Variants in EZH1 observed in about 807,000 individuals in gnomAD.
EZH1 encodes enhancer of zeste 1 polycomb repressive complex 2 subunit.
EZH1 carries 33 observed loss-of-function variants against 100.5 expected under a neutral mutation model. The ratio of observed to expected loss-of-function variants is 0.33; its 90% confidence interval spans 0.25 to 0.44. The LOEUF (loss-of-function observed/expected upper bound fraction) is 0.44, where lower values mean the gene tolerates loss of function less well. EZH1 is among the 20% of genes least tolerant of loss of function. EZH1 has a pLI of 1.00. For synonymous variants in EZH1, 272 were observed against 313.8 expected (o/e 0.87, Z 1.41); for missense variants, 475 against 928.4 (o/e 0.51, Z 6.35).
chr17:42,711,928 G>A (rs980447569), intron 12 of EZH1, among the ~76,000 whole-genome samples: 1 of 152,030 alleles, frequency 6.6e-6, no homozygotes, highest in African/African-American at 2.4e-5. Context: ...GCAGCAGTGT[G>A]CTCATTAACA....
At chr17:42,709,266 G>T (rs1309480478) in intron 13 of EZH1, 1 of 256,226 alleles carries the variant, frequency 3.9e-6, no homozygotes, top group Non-Finnish European at 7.5e-6. Context: ...ATATGGGGGA[G>T]TTTCAAGATG....
intron 1 of EZH1, among the ~76,000 whole-genome samples, chr17:42,740,964 A>G: frequency 6.6e-6 from 1 of 152,228 alleles, no homozygotes; most frequent in Admixed American, 6.5e-5. Context: ...TCCAATATGT[A>G]CACAGTTTGG....
chr17:42,712,006 C>CA (rs1382440772), intron 12 of EZH1, among the ~76,000 whole-genome samples: 75 of 151,136 alleles, frequency 5.0e-4, no homozygotes, highest in Non-Finnish European at 4.9e-4. Context: ...AGGCCAGAGC[C>CA]AAAAAAAAGA....
rs150134802 is a variant in EZH1 at position 42,724,369 on chromosome 17, G to A, written c.302C>T (p.Ser101Leu). ...GGGAACCAATGCAACTGTGTTCAGT[G>A]ACCTCATTAACATATGTTGGCTTGC... ...GFASQHMLMR[S>L]LNTVALVPIM... The change falls in exon 5 of 21, where the codon TCA (serine) becomes TTA (leucine). Residue 101 changes from serine (S) to leucine (L), a missense_variant. Ser to Leu is a moderately radical substitution (Grantham distance 145, BLOSUM62 -2). Transcript: ENST00000428826. 7 of 1,613,918 alleles carry A rather than the reference G, an allele frequency of 4.3e-6. No individual in the cohort carries two copies. The highest frequency in any genetic ancestry group is 5.9e-6 in the Non-Finnish European group (7 of 1,179,956).
At chr17:42,711,919 CAGCAGT>C (rs2053491502) in intron 12 of EZH1, among the ~76,000 whole-genome samples, 7 of 149,300 alleles carry the variant, frequency 4.7e-5, no homozygotes, top group African/African-American at 1.7e-4. Context: ...GCAGCAGCAG[CAGCAGT>C]GTGCTCATTA....
At chr17:42,724,484 G>A in intron 4 of EZH1, 60 bp from the exon 5 acceptor site, 1 of 1,588,334 alleles carries the variant, frequency 6.3e-7, no homozygotes, top group Non-Finnish European at 8.6e-7. Flanking sequence ...AGAAAGAAAT[G>A]TAATTTCCTT....
In EZH1 at chr17:42,706,526, A is replaced by C. The variant is rs1451220424; in HGVS notation, c.1661-341T>G. Among the ~76,000 whole-genome samples the C allele has an allele frequency of 6.6e-6, 1 of 151,740 alleles. No individual in the cohort carries two copies. Among genetic ancestry groups the C allele is most frequent in the Non-Finnish European group, 1.5e-5 (1 of 67,920 alleles). Reference sequence around the variant, plus strand: ...ATAGGGAGATCCTGTCTCCACAAAAAAATTAAAAAAAAAAATAGCCATGTG... The same window carrying C: ...ATAGGGAGATCCTGTCTCCACAAAACAATTAAAAAAAAAAATAGCCATGTG... On this transcript the variant is annotated intron_variant, in intron 15 of 20. Coordinates refer to ENST00000428826, the MANE Select transcript of EZH1 (RefSeq NM_001991.5). This position sits in a 1 kb window ranked among gnomAD's most constrained non-coding sequence, Gnocchi z 4.4.
intron 4 of EZH1, among the ~76,000 whole-genome samples, chr17:42,726,745 C>T (rs2053829004): frequency 1.3e-5 from 2 of 152,182 alleles, no homozygotes; most frequent in South Asian, 4.2e-4. Flanking sequence ...AACTCTTGAC[C>T]TCAGGTGATC....
intron 11 of EZH1, 34 bp downstream of exon 11, chr17:42,713,175 G>C: frequency 6.2e-7 from 1 of 1,605,422 alleles, no homozygotes. Flanking sequence ...TCCTTGCATG[G>C]AAAGAAAAAG....
At position 42,713,310 on chromosome 17, in the gene EZH1, A is replaced by C; in HGVS notation, c.1103T>G (p.Val368Gly). The C allele has an allele frequency of 6.2e-7, 1 of 1,613,728 alleles. No individual in the cohort carries two copies. Among genetic ancestry groups the C allele is most frequent in the African/African-American group, 1.3e-5 (1 of 75,036 alleles). The change falls in exon 11 of 21, where the codon GTC (valine) becomes GGC (glycine). Residue 368 changes from valine (V) to glycine (G), a missense_variant. By Grantham distance (109) the Val-to-Gly change is moderately radical (BLOSUM62 -3). Transcript: ENST00000428826. ...SGRRRRRHHI[V>G]SASCSNASAS... ...TGAGGCATTGGAGCAGGAAGCACTG[A>C]CTATGTGGTGCCTTCTCCGGCGACG...
chr17:42,708,972 G>A, intron 13 of EZH1, 56 bp from the exon 14 acceptor site: 1 of 1,601,612 alleles, frequency 6.2e-7, no homozygotes, highest in Non-Finnish European at 8.6e-7. Flanking sequence ...CTCTGCAAAT[G>A]CAGGTAAATG....
chr17:42,702,244 TAA>T lies in EZH1; in HGVS notation c.*286_*287del. 2.8e-6 allele frequency: 1 copy of T among 357,588 alleles called. No homozygotes were observed. Among genetic ancestry groups the T allele is most frequent in the Non-Finnish European group, 5.1e-6 (1 of 196,454 alleles). 22.2% of individuals were successfully genotyped at this position (357,588 alleles called of 1,614,324 possible). A position where few individuals can be genotyped will look rare whatever the true frequency, so the allele number is the denominator to read the frequency against. ...TGGGGAGCCGACACGAAATCACGCATAAGTCATCCACCCCAGCCTGTGCTCGC... is the reference window on the plus strand; with the variant it reads ...TGGGGAGCCGACACGAAATCACGCATGTCATCCACCCCAGCCTGTGCTCGC... On this transcript the variant is annotated 3_prime_UTR_variant, in exon 21 of 21. Coordinates refer to ENST00000428826, the MANE Select transcript of EZH1 (RefSeq NM_001991.5).
intron 4 of EZH1, among the ~76,000 whole-genome samples, chr17:42,726,039 C>A (rs549386858): frequency 2.0e-5 from 3 of 150,996 alleles, no homozygotes; most frequent in African/African-American, 7.3e-5. Context: ...CCACCACGCT[C>A]GGCCAATTTT....
intron 2 of EZH1, among the ~76,000 whole-genome samples, chr17:42,729,420 A>G (rs979557332): frequency 3.3e-5 from 5 of 152,028 alleles, no homozygotes; most frequent in African/African-American, 7.2e-5. Context: ...AAACAAAACA[A>G]AACAAAAAAA....
At position 42,708,919 on chromosome 17, in the gene EZH1, G is replaced by A; in HGVS notation, c.1494-3C>T. On this transcript the variant is annotated splice_polypyrimidine_tract_variant and splice_region_variant and intron_variant, in intron 13 of 20. Transcript: ENST00000428826. ...TCCTGCAGTGTGCAGCCCACAATCT[G>A]AAAAAGACAGGAAGGACAGGTCTCA... The A allele has an allele frequency of 1.9e-6, 3 of 1,614,154 alleles. No individual in the cohort carries two copies. The highest frequency in any genetic ancestry group is 2.5e-6 in the Non-Finnish European group (3 of 1,180,032).
In EZH1 at chr17:42,708,029, G is replaced by A; in HGVS notation, c.1589C>T (p.Pro530Leu). 6.2e-7 allele frequency: 1 copy of A among 1,613,514 alleles called. No individual in the cohort carries two copies. Among genetic ancestry groups the A allele is most frequent in the Non-Finnish European group, 8.5e-7 (1 of 1,179,828 alleles). ...NYQPCDHPDR[P>L]CDSTCPCIMT... ...GATGCAGGGGCAGGTGCTGTCACAG[G>A]GGCGGTCTGGGTGGTCGCAGGGTTG... Residue 530 changes from proline to leucine, a missense_variant, in exon 15 of 21, where the codon CCC (proline) becomes CTC (leucine). This residue lies in a region of EZH1 where 83 missense variants were observed against 142.1 expected (regional missense o/e 0.58). Transcript: ENST00000428826.
intron 10 of EZH1, among the ~76,000 whole-genome samples, chr17:42,714,897 T>C (rs2053562812): frequency 7.2e-6 from 1 of 138,760 alleles, no homozygotes; most frequent in Non-Finnish European, 1.5e-5. Flanking sequence ...ATATATAATA[T>C]GGAAATATAT....
In EZH1 at chr17:42,722,008, G is replaced by A. The variant is rs367828634; in HGVS notation, c.487+787C>T. On this transcript the variant is annotated intron_variant, in intron 6 of 20. Transcript: ENST00000428826. ...CTACTAAAAATACAAAAAAGTAGCC[G>A]GGTGTGGTAGGCGCCTGTAGTCCCA... is the stretch of plus-strand genomic sequence containing the variant. Among the ~76,000 whole-genome samples, 21 of 152,050 alleles carry A rather than the reference G, an allele frequency of 1.4e-4. No individual in the cohort carries two copies. The South Asian group carries it at 2.7e-3, about 20-fold the overall frequency.
chr17:42,741,525 T>C (rs1410987583), intron 1 of EZH1, among the ~76,000 whole-genome samples: 2 of 152,214 alleles, frequency 1.3e-5, no homozygotes, highest in African/African-American at 4.8e-5. Context: ...AGTGAAACTT[T>C]TTAAACTTAA....
Sources: gnomAD v4.1 joint callset for allele counts (sites outside exome capture counted in the v4.1 genomes callset) on GRCh38, gnomAD v4.1.1 for gene constraint, gnomAD v4.1.1 regional missense constraint, Gnocchi (gnomAD v3.1) non-coding constraint, MANE v1.5 for transcripts, NCBI Gene and HGNC (gene_info 2026-07-23, HGNC 2026-07-21) for gene names.